Variants in ACTR3B observed in about 807,000 individuals in gnomAD.
The protein encoded by ACTR3B is actin-related protein 3B.
ACTR3B carries 8 observed loss-of-function variants against 59.0 expected under a neutral mutation model. That is an observed-to-expected ratio of 0.14 (90% CI 0.08 to 0.24). The LOEUF (loss-of-function observed/expected upper bound fraction) is 0.24, where lower values mean the gene tolerates loss of function less well. Among genes scored for constraint, ACTR3B ranks in the 10% least tolerant of loss-of-function variants. ACTR3B has a pLI of 1.00. For missense variants in ACTR3B, 245 were observed against 552.3 expected (o/e 0.44, Z 5.58); for synonymous variants, 148 against 197.9 (o/e 0.75, Z 2.12).
intron 1 of ACTR3B, among the ~76,000 whole-genome samples, chr7:152,760,665 G>A (rs2098086759): frequency 6.6e-6 from 1 of 152,184 alleles, no homozygotes; most frequent in African/African-American, 2.4e-5. Flanking sequence ...TTGTGGAATT[G>A]TGGTAGAGGT....
chr7:152,777,780 G>A (rs1203317226), intron 1 of ACTR3B, among the ~76,000 whole-genome samples: 4 of 151,980 alleles, frequency 2.6e-5, no homozygotes, highest in African/African-American at 7.2e-5. Flanking sequence ...GTGAAACCCC[G>A]TTTTTACTAA....
intron 2 of ACTR3B, among the ~76,000 whole-genome samples, chr7:152,791,813 T>A (rs2098197356): frequency 1.3e-5 from 2 of 152,232 alleles, no homozygotes. Flanking sequence ...TAATATATGT[T>A]CTTCAATAGA....
chr7:152,835,216 C>T lies in ACTR3B; in HGVS notation c.951+10094C>T, dbSNP rs370482825. 2.4e-3 allele frequency among the ~76,000 whole-genome samples: 367 copies of T among 152,330 alleles called. 3 individuals are homozygous for T. Among genetic ancestry groups the T allele is most frequent in the Middle Eastern group, 0.017 (5 of 294 alleles). On this transcript the variant is annotated intron_variant, in intron 9 of 11. Transcript: ENST00000256001. ...CGCTTCCTAGCATCGTGACTGCACT[C>T]ATTCCCCAGCCCCTGCGTCCTCAGG...
chr7:152,850,685 C>T (rs758602821), intron 9 of ACTR3B, among the ~76,000 whole-genome samples: 2 of 152,232 alleles, frequency 1.3e-5, no homozygotes, highest in Non-Finnish European at 2.9e-5. Context: ...TGTCTTTCCC[C>T]AGAACAGCAG....
chr7:152,835,166 G>A (rs1307230918), intron 9 of ACTR3B, among the ~76,000 whole-genome samples: 4 of 152,170 alleles, frequency 2.6e-5, no homozygotes, highest in African/African-American at 9.7e-5. Flanking sequence ...GGGCCAAGCC[G>A]CGTGGGTCTC....
At chr7:152,789,997 C>CTTTTTTTTT (rs756068314) in intron 2 of ACTR3B, among the ~76,000 whole-genome samples, 20 of 102,822 alleles carry the variant, frequency 1.9e-4, no homozygotes, top group African/African-American at 6.1e-4. Flanking sequence ...TGTACTCTTT[C>CTTTTTTTTT]TTTTTTTTTT....
At chr7:152,800,157 A>G (rs2098230422) in intron 2 of ACTR3B, among the ~76,000 whole-genome samples, 1 of 152,162 alleles carries the variant, frequency 6.6e-6, no homozygotes, top group African/African-American at 2.4e-5. Context: ...CCTTTTCTGT[A>G]TTGTACAGAA....
At chr7:152,844,277 C>CT (rs1798095620) in intron 9 of ACTR3B, among the ~76,000 whole-genome samples, 2 of 152,170 alleles carry the variant, frequency 1.3e-5, no homozygotes, top group African/African-American at 4.8e-5. Context: ...AGGCTGGTCT[C>CT]TAACTCCTGA....
At chr7:152,851,008 C>A (rs1798758117) in intron 9 of ACTR3B, among the ~76,000 whole-genome samples, 1 of 152,188 alleles carries the variant, frequency 6.6e-6, no homozygotes, top group Non-Finnish European at 1.5e-5. Flanking sequence ...TAAGAAAGTT[C>A]AATCAGGAGA....
At chr7:152,778,617 C>T (rs896551414) in intron 1 of ACTR3B, among the ~76,000 whole-genome samples, 5 of 151,594 alleles carry the variant, frequency 3.3e-5, no homozygotes, top group Admixed American at 6.6e-5. Context: ...TACCTAAACA[C>T]ACAGTGTTTT....
chr7:152,847,268 G>A (rs1798426458), intron 9 of ACTR3B, among the ~76,000 whole-genome samples: 1 of 152,206 alleles, frequency 6.6e-6, no homozygotes, highest in South Asian at 2.1e-4. Flanking sequence ...AGGGCTCACC[G>A]TGATGTTTTC....
At chr7:152,780,395 G>A (rs6951670) in intron 1 of ACTR3B, among the ~76,000 whole-genome samples, 107,674 of 146,612 alleles carry the variant, frequency 0.73, 39,645 homozygotes, top group East Asian at 0.87. Flanking sequence ...AGTTTGCCTC[G>A]GTCACGAAAA....
At position 152,787,711 on chromosome 7, in the gene ACTR3B, C is replaced by T. The variant is rs190541094; in HGVS notation, c.100+4469C>T. Among the ~76,000 whole-genome samples the T allele has an allele frequency of 1.1e-3, 163 of 152,150 alleles. 1 individual carries two copies. Among genetic ancestry groups the T allele is most frequent in the African/African-American group, 3.3e-3 (136 of 41,518 alleles). ...TACCATTTATGCTTGGGAATGTTTTCGGTGTCTTTTGTTTCATTGATGTAT... is the reference window on the plus strand; with the variant it reads ...TACCATTTATGCTTGGGAATGTTTTTGGTGTCTTTTGTTTCATTGATGTAT... On this transcript the variant is annotated intron_variant, in intron 2 of 11. Coordinates refer to ENST00000256001, the MANE Select transcript of ACTR3B (RefSeq NM_020445.6).
intron 10 of ACTR3B, 100 bp from the exon 11 acceptor site, chr7:152,853,394 A>AG: frequency 1.0e-6 from 1 of 996,314 alleles, no homozygotes. Flanking sequence ...CCATAAGAGG[A>AG]GGGCGGCCCT....
At chr7:152,795,531 A>C (rs1261589301) in intron 2 of ACTR3B, among the ~76,000 whole-genome samples, 1 of 152,268 alleles carries the variant, frequency 6.6e-6, no homozygotes, top group Non-Finnish European at 1.5e-5. Context: ...ACTTACCTTG[A>C]AAACTTTTCA....
intron 9 of ACTR3B, among the ~76,000 whole-genome samples, chr7:152,848,888 G>A (rs941095165): frequency 1.6e-4 from 25 of 152,114 alleles, no homozygotes; most frequent in African/African-American, 4.8e-4. Context: ...GGAGCCAGGC[G>A]CTCTCAGGTT....
chr7:152,764,531 C>T (rs1337364122), intron 1 of ACTR3B, among the ~76,000 whole-genome samples: 2 of 151,506 alleles, frequency 1.3e-5, no homozygotes, highest in Non-Finnish European at 2.9e-5. Flanking sequence ...TTTAGTAGTC[C>T]TAGCTACTCA....
rs570751526 is a variant in ACTR3B, at chr7:152,816,725, A to G, written c.540+137A>G. 8.1e-5 allele frequency: 62 copies of G among 764,592 alleles called. 1 individual carries two copies. In the African/African-American group the frequency reaches 9.6e-4, roughly 12 times the overall value. The allele number at this position is 764,592 out of a possible 1,614,324, so 47.4% of individuals were successfully genotyped here. A position where few individuals can be genotyped will look rare whatever the true frequency, so the allele number is the denominator to read the frequency against. ...GATAGTTGTACTTAGAAAGATAATA[A>G]AAGTTTTTTATTTTTTGCCACCTTA... On this transcript the variant is annotated intron_variant, in intron 6 of 11. Transcript: ENST00000256001.
In ACTR3B at chr7:152,806,927, T is replaced by C. The variant is rs547827588; in HGVS notation, c.336+5196T>C. ...GTGTCACTCAAAGGCATGAAGACAG[T>C]AGCAAGGGAGAGATTCAGCTGCTTT... is the stretch of plus-strand genomic sequence containing the variant. On this transcript the variant is annotated intron_variant, in intron 4 of 11. Coordinates refer to ENST00000256001, the MANE Select transcript of ACTR3B (RefSeq NM_020445.6). Among the ~76,000 whole-genome samples, 4 of 152,322 alleles carry C rather than the reference T, an allele frequency of 2.6e-5. 1 individual carries two copies. The East Asian group carries it at 7.7e-4, about 29-fold the overall frequency.
Sources: allele counts gnomAD v4.1 joint callset (sites outside exome capture counted in the v4.1 genomes callset), GRCh38; gene constraint gnomAD v4.1.1; transcripts MANE v1.5; gene names NCBI Gene and HGNC (gene_info 2026-07-23, HGNC 2026-07-21).